The following GPR39 variants were observed in gnomAD, a reference collection of about 807,000 sequenced individuals.
GPR39 encodes G protein-coupled receptor 39.
GPR39 carries 23 observed loss-of-function variants against 18.4 expected under a neutral mutation model. That is an observed-to-expected ratio of 1.25 (90% confidence interval 0.90 to 1.77). The LOEUF (loss-of-function observed/expected upper bound fraction) is 1.77. GPR39 is among the 40% of genes most tolerant of loss of function. The probability of loss-of-function intolerance (pLI) is 0.00; values close to 1 mark genes in which losing one functional copy is unlikely to be tolerated. For missense variants in GPR39, 647 were observed against 602.4 expected, an observed-to-expected ratio of 1.07 and a Z score of -0.78; for synonymous variants, 280 against 257.9, an observed-to-expected ratio of 1.09 and a Z score of -0.82.
chr2:132,486,518 A>G (rs4502476), intron 1 of GPR39, among the ~76,000 whole-genome samples: 66,428 of 152,186 alleles, frequency 0.44, 18,160 homozygotes, highest in Non-Finnish European at 0.61. Context: ...TGTCTTAGCT[A>G]GATCTTCTGG....
rs537032663 is a variant in GPR39 at position 132,530,883 on chromosome 2, C to T, written c.856+112985C>T. On this transcript the variant is annotated intron_variant, in intron 1 of 1. Transcript: ENST00000329321. ...AAACATGGAAAGGAACAACTTGTAC[C>T]AGCCACTGCAAAAACATGCCAAATT... 5.3e-5 allele frequency among the ~76,000 whole-genome samples: 8 copies of T among 152,312 alleles called. No homozygotes were observed. In the South Asian group the frequency reaches 1.7e-3, roughly 32 times the overall value.
intron 1 of GPR39, among the ~76,000 whole-genome samples, chr2:132,520,240 C>T (rs1274602136): frequency 3.9e-5 from 6 of 152,160 alleles, no homozygotes. Flanking sequence ...CACTCCACTC[C>T]AAGCAAGGCA....
intron 1 of GPR39, among the ~76,000 whole-genome samples, chr2:132,517,261 A>G (rs1297398053): frequency 2.0e-5 from 3 of 152,190 alleles, no homozygotes; most frequent in Non-Finnish European, 4.4e-5. Context: ...ATGAAAGAGT[A>G]TACAGGACCC....
At position 132,632,770 on chromosome 2, in the gene GPR39, A is replaced by T. The variant is rs1370027468; in HGVS notation, c.857-12331A>T. On this transcript the variant is annotated intron_variant, in intron 1 of 1. Coordinates refer to ENST00000329321, the MANE Select transcript of GPR39 (RefSeq NM_001508.3). ...AAGTACTCAGAAGAGTGTCTGTCAT[A>T]CATGTACTATATTAATTTTAGCTGA... is the stretch of plus-strand genomic sequence containing the variant. 2.0e-5 allele frequency among the ~76,000 whole-genome samples: 3 copies of T among 152,198 alleles called. No homozygotes were observed. In the East Asian group the frequency reaches 5.8e-4, roughly 29 times the overall value.
chr2:132,562,510 C>T (rs560918117), intron 1 of GPR39, among the ~76,000 whole-genome samples: 102 of 152,250 alleles, frequency 6.7e-4, no homozygotes, highest in African/African-American at 2.4e-3. Flanking sequence ...TTTGCATGGA[C>T]TCATCCTTCA....
At chr2:132,554,732 T>C (rs191968519) in intron 1 of GPR39, among the ~76,000 whole-genome samples, 61 of 152,308 alleles carry the variant, frequency 4.0e-4, no homozygotes, top group Middle Eastern at 3.4e-3. Context: ...AACTTGACTT[T>C]GCAGCACGGC....
At chr2:132,438,502 C>T (rs1464482387) in intron 1 of GPR39, among the ~76,000 whole-genome samples, 1 of 149,198 alleles carries the variant, frequency 6.7e-6, no homozygotes, top group Non-Finnish European at 1.5e-5. Context: ...TCCCTTAGGT[C>T]AGGGGTTAGC....
intron 1 of GPR39, among the ~76,000 whole-genome samples, chr2:132,499,806 G>A (rs13019326): frequency 0.59 from 88,834 of 151,850 alleles, 26,562 homozygotes; most frequent in Non-Finnish European, 0.64. Flanking sequence ...ATATTCCTAA[G>A]TATTGTATTG....
chr2:132,554,050 C>A (rs1680102578), intron 1 of GPR39, among the ~76,000 whole-genome samples: 1 of 152,186 alleles, frequency 6.6e-6, no homozygotes, highest in Non-Finnish European at 1.5e-5. Context: ...CTCATTCATG[C>A]TGCAGAAGTA....
chr2:132,515,073 A>G (rs920831550), intron 1 of GPR39, among the ~76,000 whole-genome samples: 3 of 152,218 alleles, frequency 2.0e-5, no homozygotes, highest in African/African-American at 7.2e-5. Flanking sequence ...TGTGATGACC[A>G]TTGTCCCCAC....
intron 1 of GPR39, among the ~76,000 whole-genome samples, chr2:132,452,282 T>A (rs978030051): frequency 6.6e-6 from 1 of 152,216 alleles, no homozygotes; most frequent in Non-Finnish European, 1.5e-5. Context: ...ACTTTCAAGA[T>A]GTAGTCAAGT....
chr2:132,501,054 G>GTTTTTTTTTTTTTTTTTTGT (rs1679021320), intron 1 of GPR39, among the ~76,000 whole-genome samples: 3 of 90,324 alleles, frequency 3.3e-5, no homozygotes, highest in Non-Finnish European at 4.4e-5. Context: ...TATCTTTTGT[G>GTTTTTTTTTTTTTTTTTTGT]TTTTTTTTTT....
chr2:132,577,345 G>GAA (rs111662809), intron 1 of GPR39, among the ~76,000 whole-genome samples: 2 of 146,454 alleles, frequency 1.4e-5, no homozygotes, highest in African/African-American at 4.9e-5. Context: ...CCCTGTCTCA[G>GAA]AAAAAAAAAA....
intron 1 of GPR39, among the ~76,000 whole-genome samples, chr2:132,431,882 A>G (rs1276485961): frequency 1.3e-5 from 2 of 152,198 alleles, no homozygotes; most frequent in African/African-American, 4.8e-5. Context: ...ATTTTCTCAC[A>G]GTTCTGGAGG....
intron 1 of GPR39, among the ~76,000 whole-genome samples, chr2:132,601,094 G>A (rs1162200982): frequency 5.3e-5 from 8 of 152,052 alleles, no homozygotes; most frequent in African/African-American, 1.9e-4. Flanking sequence ...CAAAATTGAA[G>A]AGGCAGGAAT....
intron 1 of GPR39, among the ~76,000 whole-genome samples, chr2:132,475,033 G>A (rs191994210): frequency 6.6e-6 from 1 of 152,122 alleles, no homozygotes; most frequent in Non-Finnish European, 1.5e-5. Flanking sequence ...CTATGCTGAG[G>A]AAGTTTCAAT....
At chr2:132,577,130 G>A (rs1446378654) in intron 1 of GPR39, among the ~76,000 whole-genome samples, 1 of 151,692 alleles carries the variant, frequency 6.6e-6, no homozygotes, top group East Asian at 1.9e-4. Context: ...CTGAGGTGGG[G>A]GGTATCACTT....
chr2:132,588,769 A>T (rs1279244800), intron 1 of GPR39, among the ~76,000 whole-genome samples: 1 of 152,186 alleles, frequency 6.6e-6, no homozygotes, highest in South Asian at 2.1e-4. Context: ...ATCACATGCT[A>T]TTCATAGAAC....
chr2:132,644,025 CTGTGGG>C (rs1681929516), intron 1 of GPR39, among the ~76,000 whole-genome samples: 1 of 152,194 alleles, frequency 6.6e-6, no homozygotes, highest in Non-Finnish European at 1.5e-5. Flanking sequence ...GGGGAATTTA[CTGTGGG>C]TGTCTTGGCT....
Sources: gnomAD v4.1 joint callset for allele counts (sites outside exome capture counted in the v4.1 genomes callset) on GRCh38, gnomAD v4.1.1 for gene constraint, MANE v1.5 for transcripts, NCBI Gene and HGNC (gene_info 2026-07-23, HGNC 2026-07-21) for gene names.